Variants in RBMS3 observed in about 807,000 individuals in gnomAD.
RBMS3 encodes RNA-binding motif, single-stranded-interacting protein 3.
In RBMS3, 27 loss-of-function variants were observed where a neutral mutation model predicts 66.8. The observed-to-expected ratio is 0.40, with a 90% CI of 0.30 to 0.56. RBMS3 has a LOEUF of 0.56. Ranked by LOEUF, RBMS3 falls within the 20% of genes least tolerant of loss-of-function variation. The pLI is 0.40. For synonymous variants in RBMS3, 188 were observed against 183.0 expected (o/e 1.03, Z -0.22); for missense variants, 513 against 549.5 (o/e 0.93, Z 0.66).
chr3:29,841,197 A>G (rs1467100742), intron 6 of RBMS3, among the ~76,000 whole-genome samples: 1 of 151,238 alleles, frequency 6.6e-6, no homozygotes, highest in African/African-American at 2.4e-5. Context: ...GTGTATTTTT[A>G]TGTATTGACC....
At position 29,693,170 on chromosome 3, in the gene RBMS3, A is replaced by AT. The variant is rs1205605617; in HGVS notation, c.400-46544dup. On this transcript the variant is annotated intron_variant, in intron 4 of 14. Coordinates refer to ENST00000383767, the MANE Select transcript of RBMS3 (RefSeq NM_001003793.3). ...ATAGAAATACAACACTCTTCTTTAC[A>AT]TTTTTTCCCCAAATTTTAGAATGAA... 5.9e-5 allele frequency among the ~76,000 whole-genome samples: 9 copies of AT among 152,202 alleles called. 1 individual carries two copies. Among genetic ancestry groups the AT allele is most frequent in the African/African-American group, 1.9e-4 (8 of 41,550 alleles).
chr3:29,885,180 G>T (rs904347039), intron 8 of RBMS3, among the ~76,000 whole-genome samples: 2 of 151,806 alleles, frequency 1.3e-5, no homozygotes, highest in African/African-American at 2.4e-5. Flanking sequence ...AAAAAACAAT[G>T]TATGATATGA....
intron 4 of RBMS3, chr3:29,698,304 C>T: frequency 1.0e-6 from 1 of 985,388 alleles, no homozygotes; most frequent in Non-Finnish European, 1.2e-6. Context: ...GGGAGGCAAA[C>T]AGAGAATCAA....
intron 6 of RBMS3, among the ~76,000 whole-genome samples, chr3:29,849,873 G>T (rs1036610926): frequency 6.6e-6 from 1 of 152,204 alleles, no homozygotes; most frequent in Non-Finnish European, 1.5e-5. Context: ...AGGAGTATCA[G>T]CTCAGACACT....
chr3:29,730,740 G>T (rs988172716), intron 4 of RBMS3: 1 of 424,146 alleles, frequency 2.4e-6, no homozygotes, highest in African/African-American at 2.2e-5. Flanking sequence ...ATATTGAGTA[G>T]TTCTCTATAG....
At chr3:29,696,925 C>T in intron 4 of RBMS3, 1 of 981,940 alleles carries the variant, frequency 1.0e-6, no homozygotes. Context: ...AAAATGTCTC[C>T]CCTGGTCGTT....
rs558839351 is a variant in RBMS3 at position 29,444,788 on chromosome 3, C to CTTTTTTTTTTTTTTTTTTTTTTTTT, written c.248+9897_248+9898insTTTTTTTTTTTTTTTTTTTTTTTTT. On this transcript the variant is annotated intron_variant, in intron 2 of 14. Coordinates refer to ENST00000383767, the MANE Select transcript of RBMS3 (RefSeq NM_001003793.3). ...AATTCTTTCAAGCGGAAATATATGC[C>CTTTTTTTTTTTTTTTTTTTTTTTTT]TTTTTTTTTTTTTTTTTTTTTTTTG... 3.1e-3 allele frequency among the ~76,000 whole-genome samples: 158 copies of CTTTTTTTTTTTTTTTTTTTTTTTTT among 50,496 alleles called. 26 individuals carry two copies. Among genetic ancestry groups the CTTTTTTTTTTTTTTTTTTTTTTTTT allele is most frequent in the East Asian group, 9.3e-3 (10 of 1,076 alleles). 33.1% of individuals were successfully genotyped at this position (50,496 alleles called of 152,430 possible).
chr3:29,316,682 T>G (rs1032471502), intron 1 of RBMS3, among the ~76,000 whole-genome samples: 12 of 151,520 alleles, frequency 7.9e-5, no homozygotes, highest in Non-Finnish European at 1.8e-4. Flanking sequence ...AAAACAGTTG[T>G]CCAGGCTCCG....
intron 11 of RBMS3, among the ~76,000 whole-genome samples, chr3:29,941,819 T>C (rs917095776): frequency 2.0e-5 from 3 of 151,796 alleles, no homozygotes; most frequent in Non-Finnish European, 4.4e-5. Context: ...AGTAATTAAA[T>C]ATACATGTAC....
intron 3 of RBMS3, among the ~76,000 whole-genome samples, chr3:29,545,117 A>G (rs1472055772): frequency 6.6e-6 from 1 of 152,172 alleles, no homozygotes; most frequent in Non-Finnish European, 1.5e-5. Flanking sequence ...AATAAGAAAT[A>G]AATTATGTAT....
intron 4 of RBMS3, among the ~76,000 whole-genome samples, chr3:29,618,074 A>G (rs2149146161): frequency 6.6e-6 from 1 of 152,304 alleles, no homozygotes; most frequent in South Asian, 2.1e-4. Flanking sequence ...TAGAAAATAC[A>G]CTGGTTGCTT....
chr3:29,614,054 C>T (rs556701647), intron 4 of RBMS3, among the ~76,000 whole-genome samples: 1 of 151,944 alleles, frequency 6.6e-6, no homozygotes, highest in African/African-American at 2.4e-5. Context: ...TCCCAATAGC[C>T]AAGATACAGA....
intron 6 of RBMS3, among the ~76,000 whole-genome samples, chr3:29,841,015 G>A (rs1229688429): frequency 3.3e-5 from 5 of 151,892 alleles, no homozygotes; most frequent in South Asian, 2.1e-4. Flanking sequence ...TACTAGGAAA[G>A]TATAAATTTA....
At chr3:29,916,111 T>C (rs2060633139) in intron 10 of RBMS3, among the ~76,000 whole-genome samples, 1 of 152,018 alleles carries the variant, frequency 6.6e-6, no homozygotes, top group Admixed American at 6.6e-5. Flanking sequence ...TTTCATCTTA[T>C]AACTGTCCTA....
intron 2 of RBMS3, among the ~76,000 whole-genome samples, chr3:29,479,929 G>A (rs2043074099): frequency 6.6e-6 from 1 of 152,186 alleles, no homozygotes; most frequent in Non-Finnish European, 1.5e-5. Context: ...AAGTTCTCCA[G>A]GTCCTCATGG....
intron 2 of RBMS3, among the ~76,000 whole-genome samples, chr3:29,441,700 C>G (rs2041626823): frequency 6.6e-6 from 1 of 152,144 alleles, no homozygotes; most frequent in East Asian, 1.9e-4. Flanking sequence ...GTTTGGACCT[C>G]AAGTGTTCTG....
chr3:29,588,628 G>T (rs2047616623), intron 4 of RBMS3, among the ~76,000 whole-genome samples: 1 of 152,040 alleles, frequency 6.6e-6, no homozygotes, highest in Non-Finnish European at 1.5e-5. Context: ...GTTGTTCAAG[G>T]CAGAATAAAT....
intron 1 of RBMS3, among the ~76,000 whole-genome samples, chr3:29,421,414 T>A (rs114024567): frequency 0.01 from 1,548 of 152,300 alleles, 28 homozygotes; most frequent in African/African-American, 0.035. Flanking sequence ...AACAATTTTT[T>A]AAAAATCTAA....
intron 4 of RBMS3, among the ~76,000 whole-genome samples, chr3:29,711,463 A>G (rs2149306636): frequency 6.6e-6 from 1 of 152,310 alleles, no homozygotes; most frequent in Middle Eastern, 3.4e-3. Flanking sequence ...TAACTGGGTC[A>G]TGTTCTTGAC....
Sources: gnomAD v4.1 joint callset for allele counts (sites outside exome capture counted in the v4.1 genomes callset) on GRCh38, gnomAD v4.1.1 for gene constraint, MANE v1.5 for transcripts, NCBI Gene and HGNC (gene_info 2026-07-23, HGNC 2026-07-21) for gene names.